WDR70: variants seen among roughly 807,000 people sequenced by gnomAD.
WDR70 encodes WD repeat domain 70.
Under a neutral mutation model 88.6 loss-of-function variants are expected in WDR70, and 53 were observed. The ratio of observed to expected loss-of-function variants is 0.60; its 90% CI spans 0.48 to 0.75. The LOEUF (loss-of-function observed/expected upper bound fraction) is 0.75, where lower values mean the gene tolerates loss of function less well. WDR70 is among the 30% of genes least tolerant of loss of function. WDR70 has a pLI of 0.00. For synonymous variants in WDR70, 280 were observed against 270.0 expected (o/e 1.04, Z -0.36); for missense variants, 610 against 823.2 (o/e 0.74, Z 3.17).
intron 10 of WDR70, among the ~76,000 whole-genome samples, chr5:37,686,732 G>A (rs1746613903): frequency 6.6e-6 from 1 of 151,816 alleles, no homozygotes; most frequent in African/African-American, 2.4e-5. Flanking sequence ...GCTGAGAAAA[G>A]AGGTATACAG....
At chr5:37,701,725 A>G (rs1159527766) in intron 12 of WDR70, among the ~76,000 whole-genome samples, 1 of 150,142 alleles carries the variant, frequency 6.7e-6, no homozygotes, top group African/African-American at 2.5e-5. Flanking sequence ...GGCGGAGCTT[A>G]CAGTGAGCCA....
chr5:37,519,814 A>G (rs1414771526), intron 9 of WDR70, among the ~76,000 whole-genome samples: 1 of 152,250 alleles, frequency 6.6e-6, no homozygotes, highest in East Asian at 1.9e-4. Context: ...GCTAAATCAT[A>G]TGGTAGCTCT....
intron 9 of WDR70, among the ~76,000 whole-genome samples, chr5:37,594,416 CT>C (rs1360624972): frequency 1.3e-5 from 2 of 152,146 alleles, no homozygotes; most frequent in African/African-American, 4.8e-5. Flanking sequence ...TTCCCCATTT[CT>C]TGTTTTTGTC....
At chr5:37,572,621 C>T (rs991816299) in intron 9 of WDR70, among the ~76,000 whole-genome samples, 6 of 152,120 alleles carry the variant, frequency 3.9e-5, no homozygotes, top group African/African-American at 1.4e-4. Context: ...TTTAACCCCA[C>T]TTGCACCAGT....
chr5:37,643,681 T>TA (rs1745162200), intron 10 of WDR70, among the ~76,000 whole-genome samples: 1 of 151,982 alleles, frequency 6.6e-6, no homozygotes, highest in Admixed American at 6.6e-5. Context: ...TGTTTTATAG[T>TA]TTTCATTAGA....
intron 9 of WDR70, among the ~76,000 whole-genome samples, chr5:37,576,933 G>C (rs1054326116): frequency 1.6e-4 from 25 of 152,020 alleles, no homozygotes; most frequent in Admixed American, 1.5e-3. Flanking sequence ...ATTAGTTCTA[G>C]AGTCTACACA....
chr5:37,456,192 C>T (rs1355431439), intron 7 of WDR70, among the ~76,000 whole-genome samples: 8 of 152,068 alleles, frequency 5.3e-5, no homozygotes, highest in East Asian at 1.9e-4. Context: ...TTAAAAATGC[C>T]GTATCATTTT....
chr5:37,576,720 T>C (rs1743065146), intron 9 of WDR70, among the ~76,000 whole-genome samples: 1 of 151,758 alleles, frequency 6.6e-6, no homozygotes, highest in Admixed American at 6.6e-5. Context: ...TTTATGATCA[T>C]TTTAGGAAGG....
intron 5 of WDR70, among the ~76,000 whole-genome samples, chr5:37,399,514 A>G (rs1469464608): frequency 6.6e-6 from 1 of 152,252 alleles, no homozygotes; most frequent in Non-Finnish European, 1.5e-5. Flanking sequence ...AAATCAGAGA[A>G]AATGGCTAAA....
intron 8 of WDR70, among the ~76,000 whole-genome samples, chr5:37,494,684 G>A (rs1306454954): frequency 6.6e-6 from 1 of 152,178 alleles, no homozygotes; most frequent in African/African-American, 2.4e-5. Flanking sequence ...TGAGAGTTCA[G>A]GATTTTAGAA....
intron 8 of WDR70, among the ~76,000 whole-genome samples, chr5:37,514,538 C>A (rs893321666): frequency 6.6e-6 from 1 of 151,326 alleles, no homozygotes; most frequent in African/African-American, 2.4e-5. Context: ...TGATGTTCTC[C>A]TTCCTTCCAC....
At chr5:37,523,027 C>G (rs901109559) in intron 9 of WDR70, among the ~76,000 whole-genome samples, 5 of 152,208 alleles carry the variant, frequency 3.3e-5, no homozygotes, top group Admixed American at 3.3e-4. Context: ...GGAGGCCTGC[C>G]TGCCTCTGTA....
chr5:37,690,776 C>T (rs59378089), intron 10 of WDR70, among the ~76,000 whole-genome samples: 36,077 of 152,054 alleles, frequency 0.24, 5,036 homozygotes, highest in Admixed American at 0.38. Context: ...TAAAGACCAT[C>T]GATGCTATGA....
At chr5:37,504,764 T>A (rs1740510331) in intron 8 of WDR70, among the ~76,000 whole-genome samples, 1 of 152,232 alleles carries the variant, frequency 6.6e-6, no homozygotes, top group Non-Finnish European at 1.5e-5. Flanking sequence ...ATACTAAAGA[T>A]ATGTCATTCT....
rs1287695342 is a variant in WDR70 at position 37,752,705 on chromosome 5, A to G, written c.*132A>G. The stretch of plus-strand genomic sequence containing the variant: ...TGTCCTTTGCATTATTGAACTGGTC[A>G]AAAGTTTGGTGGCTAGGCTTCACTA... On this transcript the variant is annotated 3_prime_UTR_variant, in exon 18 of 18. Coordinates refer to ENST00000265107, the MANE Select transcript of WDR70 (RefSeq NM_018034.4). 1.5e-6 allele frequency: 1 copy of G among 680,968 alleles called. No individual in the cohort carries two copies. The highest frequency in any genetic ancestry group is 2.4e-6 in the Non-Finnish European group (1 of 408,980). The allele number at this position is 680,968 out of a possible 1,614,324, so 42.2% of individuals were successfully genotyped here.
chr5:37,644,379 T>A (rs981790388), intron 10 of WDR70, among the ~76,000 whole-genome samples: 1 of 152,108 alleles, frequency 6.6e-6, no homozygotes, highest in Non-Finnish European at 1.5e-5. Flanking sequence ...TTGAATTCAT[T>A]TGCTGGTATT....
chr5:37,684,773 T>G (rs1746531911), intron 10 of WDR70, among the ~76,000 whole-genome samples: 1 of 152,218 alleles, frequency 6.6e-6, no homozygotes, highest in African/African-American at 2.4e-5. Context: ...GGATCCATCC[T>G]TGTTCACATG....
intron 5 of WDR70, among the ~76,000 whole-genome samples, chr5:37,427,746 G>A (rs1295628189): frequency 6.6e-6 from 1 of 152,132 alleles, no homozygotes; most frequent in Non-Finnish European, 1.5e-5. Context: ...AAATAGCTGG[G>A]CGTGGTGGCG....
At chr5:37,486,976 G>A (rs1474360461) in intron 8 of WDR70, among the ~76,000 whole-genome samples, 2 of 152,122 alleles carry the variant, frequency 1.3e-5, no homozygotes, top group African/African-American at 4.8e-5. Flanking sequence ...AAAGGAATCC[G>A]ATTGGTTCTG....
Sources: allele counts gnomAD v4.1 joint callset (sites outside exome capture counted in the v4.1 genomes callset), GRCh38; gene constraint gnomAD v4.1.1; transcripts MANE v1.5; gene names NCBI Gene and HGNC (gene_info 2026-07-23, HGNC 2026-07-21).